Variants in TRAPPC6B observed in about 807,000 individuals in gnomAD.
TRAPPC6B encodes the protein TRAPP complex subunit 6B.
TRAPPC6B carries 27 observed loss-of-function variants against 24.7 expected under a neutral mutation model. The ratio of observed to expected loss-of-function variants is 1.09; its 90% CI spans 0.81 to 1.51. TRAPPC6B has a LOEUF of 1.51. Ranked by LOEUF, TRAPPC6B falls within the 40% of genes most tolerant of loss-of-function variation. The pLI is 0.00. For synonymous variants in TRAPPC6B, 80 were observed against 66.6 expected (o/e 1.20, Z -0.98); for missense variants, 212 against 190.8 (o/e 1.11, Z -0.66).
At chr14:39,169,273 T>C (rs1280396231) in intron 1 of TRAPPC6B, among the ~76,000 whole-genome samples, 1 of 152,222 alleles carries the variant, frequency 6.6e-6, no homozygotes, top group Non-Finnish European at 1.5e-5. Context: ...AGTATTATTT[T>C]ATTTAATTTA....
chr14:39,154,819 T>C (rs75350243), intron 3 of TRAPPC6B, among the ~76,000 whole-genome samples: 2,325 of 152,340 alleles, frequency 0.015, 68 homozygotes, highest in African/African-American at 0.052. Context: ...AACGGTTTTA[T>C]ACACTGAAGA....
chr14:39,157,775 A>G, intron 3 of TRAPPC6B: 1 of 238,918 alleles, frequency 4.2e-6, no homozygotes, highest in Non-Finnish European at 8.4e-6. Context: ...TGGGGAGGCA[A>G]TGTCCTGGGT....
At chr14:39,154,806 CCGAA>C (rs1460709628) in intron 3 of TRAPPC6B, among the ~76,000 whole-genome samples, 1 of 152,172 alleles carries the variant, frequency 6.6e-6, no homozygotes, top group African/African-American at 2.4e-5. Flanking sequence ...CTAATGTATA[CCGAA>C]CGGTTTTATA....
intron 5 of TRAPPC6B, among the ~76,000 whole-genome samples, chr14:39,150,604 T>A (rs1348932386): frequency 1.3e-5 from 2 of 152,196 alleles, no homozygotes; most frequent in Non-Finnish European, 2.9e-5. Context: ...AGTGGCACGA[T>A]CTCTGCTCAC....
chr14:39,157,990 A>G (rs991314808), intron 3 of TRAPPC6B: 2 of 243,498 alleles, frequency 8.2e-6, no homozygotes, highest in African/African-American at 4.5e-5. Flanking sequence ...ACCACTAATT[A>G]ACAGTAACTA....
At chr14:39,169,936 C>T (rs2053149819) in intron 1 of TRAPPC6B, 79 bp downstream of exon 1, 1 of 1,451,262 alleles carries the variant, frequency 6.9e-7, no homozygotes, top group South Asian at 1.1e-5. Context: ...GGCGATGGGA[C>T]AGGGGTTGAA....
chr14:39,169,101 A>C (rs2053138127), intron 1 of TRAPPC6B, among the ~76,000 whole-genome samples: 1 of 151,820 alleles, frequency 6.6e-6, no homozygotes, highest in South Asian at 2.1e-4. Flanking sequence ...TCCTATCCCC[A>C]CTCTCCACTC....
At position 39,168,119 on chromosome 14, in the gene TRAPPC6B, A is replaced by C. The variant is rs938005131; in HGVS notation, c.81+1896T>G. 2.6e-5 allele frequency among the ~76,000 whole-genome samples: 4 copies of C among 151,878 alleles called. No individual in the cohort carries two copies. In the East Asian group the frequency reaches 5.8e-4, roughly 22 times the overall value. On this transcript the variant is annotated intron_variant, in intron 1 of 5. Coordinates refer to ENST00000330149, the MANE Select transcript of TRAPPC6B (RefSeq NM_001079537.2). The stretch of plus-strand genomic sequence containing the variant: ...TAATTCCAGATACTCAGGAGGCTGA[A>C]GCAGGAGAATCGCTTGAACCCAAGA...
intron 4 of TRAPPC6B, among the ~76,000 whole-genome samples, chr14:39,153,676 C>T (rs1474875): frequency 0.028 from 4,205 of 148,184 alleles, 215 homozygotes; most frequent in African/African-American, 0.098. Context: ...ATTTCACTGT[C>T]ATTTAGTTAT....
At chr14:39,150,433 G>T in intron 5 of TRAPPC6B, 52 bp from the exon 6 acceptor site, 1 of 1,324,628 alleles carries the variant, frequency 7.5e-7, no homozygotes, top group South Asian at 1.3e-5. Flanking sequence ...AAGAAAACAA[G>T]TCTAAACATC....
At chr14:39,157,106 CAAAAAAAA>C (rs58837625) in intron 3 of TRAPPC6B, 33 of 142,916 alleles carry the variant, frequency 2.3e-4, no homozygotes, top group African/African-American at 1.1e-3. Flanking sequence ...GACTCCATCT[CAAAAAAAA>C]AAAAAAAAAA....
intron 3 of TRAPPC6B, among the ~76,000 whole-genome samples, chr14:39,155,743 G>A (rs1278006599): frequency 6.6e-6 from 1 of 151,886 alleles, no homozygotes; most frequent in Non-Finnish European, 1.5e-5. Flanking sequence ...CACCACGTTG[G>A]CCAGGCTGGT....
At chr14:39,158,121 C>T (rs761805) in intron 3 of TRAPPC6B, among the ~76,000 whole-genome samples, 164 bp downstream of exon 3, 4,565 of 152,140 alleles carry the variant, frequency 0.03, 236 homozygotes, top group African/African-American at 0.1. Flanking sequence ...TTTGTCTTTA[C>T]TCAGTTCACA....
intron 3 of TRAPPC6B, among the ~76,000 whole-genome samples, chr14:39,155,054 G>A (rs760233785): frequency 2.9e-4 from 44 of 151,608 alleles, no homozygotes; most frequent in Non-Finnish European, 4.4e-4. Context: ...TCAGCCTTCC[G>A]AGTAGCTGGG....
chr14:39,159,433 C>A, intron 2 of TRAPPC6B, 50 bp downstream of exon 2: 1 of 1,307,706 alleles, frequency 7.6e-7, no homozygotes, highest in Non-Finnish European at 1.1e-6. Context: ...AATAGATCAC[C>A]TTTGTTTATA....
chr14:39,151,395 A>T (rs1234931468), intron 5 of TRAPPC6B, among the ~76,000 whole-genome samples: 6 of 150,956 alleles, frequency 4.0e-5, no homozygotes, highest in African/African-American at 4.8e-5. Flanking sequence ...GTCTCAAAAA[A>T]AAAAAAAAAA....
chr14:39,159,589 G>A (rs1254693533), intron 1 of TRAPPC6B, 39 bp from the exon 2 acceptor site: 11 of 1,420,432 alleles, frequency 7.7e-6, no homozygotes, highest in Non-Finnish European at 1.1e-5. Context: ...CTTTTAGAAT[G>A]CTAGGATGTT....
intron 1 of TRAPPC6B, 89 bp downstream of exon 1, chr14:39,169,926 G>T (rs2053149627): frequency 7.5e-7 from 1 of 1,334,214 alleles, no homozygotes; most frequent in African/African-American, 1.4e-5. Context: ...GGCGTCGGGT[G>T]GCGATGGGAC....
chr14:39,167,836 C>G (rs192713503), intron 1 of TRAPPC6B, among the ~76,000 whole-genome samples: 1 of 150,694 alleles, frequency 6.6e-6, no homozygotes, highest in African/African-American at 2.4e-5. Flanking sequence ...CTGAGTAGAA[C>G]AGCTCTGTTC....
Sources: allele counts gnomAD v4.1 joint callset (sites outside exome capture counted in the v4.1 genomes callset), GRCh38; gene constraint gnomAD v4.1.1; transcripts MANE v1.5; gene names NCBI Gene and HGNC (gene_info 2026-07-23, HGNC 2026-07-21).